CARMIL3: variants seen among roughly 807,000 people sequenced by gnomAD.
The protein encoded by CARMIL3 is capping protein regulator and myosin 1 linker 3.
Under a neutral mutation model 180.8 loss-of-function variants are expected in CARMIL3, and 88 were observed. That is an observed-to-expected ratio of 0.49 (90% CI 0.41 to 0.58). The LOEUF (loss-of-function observed/expected upper bound fraction) is 0.58. Ranked by LOEUF, CARMIL3 falls within the 20% of genes least tolerant of loss-of-function variation. The probability of loss-of-function intolerance (pLI) is 0.00; values close to 1 mark genes in which losing one functional copy is unlikely to be tolerated. For synonymous variants in CARMIL3, 696 were observed against 714.5 expected, an observed-to-expected ratio of 0.97 and a Z score of 0.41; for missense variants, 1,548 against 1,787.0, an observed-to-expected ratio of 0.87 and a Z score of 2.41.
At chr14:24,064,384 C>T (rs759705321) in intron 32 of CARMIL3, 38 bp downstream of exon 32, 24 of 1,499,860 alleles carry the variant, frequency 1.6e-5, no homozygotes, top group East Asian at 1.4e-4. Flanking sequence ...TCAGCAGGCC[C>T]CAAGGCCCTA....
At position 24,063,122 on chromosome 14, in the gene CARMIL3, C is replaced by A; in HGVS notation, c.2709C>A (p.Asp903Glu). 6.2e-7 allele frequency: 1 copy of A among 1,613,234 alleles called. No individual in the cohort carries two copies. The change falls in exon 30 of 40, where the codon GAC becomes GAA. Residue 903 changes from aspartate to glutamate, a missense_variant and splice_region_variant. Asp to Glu is a conservative substitution (Grantham distance 45, BLOSUM62 2). Transcript: ENST00000342740. ...GCCACTCGTCTTCATTTCTGCAGGA[C>A]ACCATGGCCATCAAAAAGCAGAAAC... The part of the protein sequence containing the change: ...TTDDELGTNI[D>E]TMAIKKQKRC...
At chr14:24,068,428 G>GA (rs996524249) in intron 36 of CARMIL3, among the ~76,000 whole-genome samples, 156 bp from the exon 37 acceptor site, 29 of 145,876 alleles carry the variant, frequency 2.0e-4, no homozygotes, top group South Asian at 8.8e-4. Flanking sequence ...AGAAAGAAAA[G>GA]AAAAAAAAAA....
Position 24,059,766 on chromosome 14 carries a change from C to A in CARMIL3, c.1868+34C>A, listed in dbSNP as rs753015676. ...ACCATGGTCCTGCCCTGATCCAAGT[C>A]CCCAGCCTCCCTGTGCCTGGATCAG... On this transcript the variant is annotated intron_variant, in intron 22 of 39. Transcript: ENST00000342740. The surrounding 1 kb of genome is among the most constrained non-coding windows in gnomAD (Gnocchi z 6.3). 2 of 1,606,196 alleles carry A rather than the reference C, an allele frequency of 1.2e-6. No homozygotes were observed. The highest frequency in any genetic ancestry group is 1.7e-6 in the Non-Finnish European group (2 of 1,173,272).
At chr14:24,068,176 A>C (rs2035808892) in intron 36 of CARMIL3, among the ~76,000 whole-genome samples, 3 of 152,206 alleles carry the variant, frequency 2.0e-5, no homozygotes, top group Admixed American at 6.5e-5. Flanking sequence ...AGGTAGGTGG[A>C]TCACTAGGTC....
rs780847010 is a variant in CARMIL3 at position 24,058,768 on chromosome 14, A to G, written c.1474+7A>G. 3 of 1,613,932 alleles carry G rather than the reference A, an allele frequency of 1.9e-6. No homozygotes were observed. Among genetic ancestry groups the G allele is most frequent in the African/African-American group, 1.3e-5 (1 of 74,908 alleles). ...CTGGATCTGTCAGACAATGGTGAGT[A>G]GTGGTTCCTCCCTTCCCTGGGGCCA... On this transcript the variant is annotated splice_region_variant and intron_variant, in intron 18 of 39. Coordinates refer to ENST00000342740, the MANE Select transcript of CARMIL3 (RefSeq NM_138360.4). This position sits in a 1 kb window ranked among gnomAD's most constrained non-coding sequence, Gnocchi z 6.4.
intron 31 of CARMIL3, 118 bp from the exon 32 acceptor site, chr14:24,064,128 G>T (rs1322822231): frequency 5.6e-5 from 37 of 660,012 alleles, no homozygotes; most frequent in Admixed American, 1.7e-4. Context: ...GAAACACTGG[G>T]TGAACTGAAG....
Position 24,054,701 on chromosome 14 carries a change from T to C in CARMIL3, c.363-10T>C. On this transcript the variant is annotated splice_polypyrimidine_tract_variant and intron_variant, in intron 5 of 39. Transcript: ENST00000342740. The surrounding 1 kb of genome is among the most constrained non-coding windows in gnomAD (Gnocchi z 5.1). The stretch of plus-strand genomic sequence containing the variant: ...CCAGCCCTCTCTGGAATGACTTGTT[T>C]CTTTTCCAGGTGTTTGATCCGGCGT... The C allele has an allele frequency of 6.2e-7, 1 of 1,612,304 alleles. No homozygotes were observed. Among genetic ancestry groups the C allele is most frequent in the African/African-American group, 1.3e-5 (1 of 74,986 alleles).
intron 1 of CARMIL3, among the ~76,000 whole-genome samples, chr14:24,052,952 A>G (rs536593732): frequency 6.6e-6 from 1 of 152,272 alleles, no homozygotes; most frequent in South Asian, 2.1e-4. Context: ...GTGGATACTC[A>G]GAGGCATGCT....
rs760763562 is a variant in CARMIL3 at position 24,054,357 on chromosome 14, A to C, written c.247-39A>C. On this transcript the variant is annotated intron_variant, in intron 4 of 39. Transcript: ENST00000342740. The surrounding 1 kb of genome is among the most constrained non-coding windows in gnomAD (Gnocchi z 5.1). ...GGGCCAGCTGGAGGAGGGAGCAGAG[A>C]GGAGGGAGTCTGAGGCTCTGACGCT... 1 of 1,613,734 alleles carries C rather than the reference A, an allele frequency of 6.2e-7. No homozygotes were observed. Among genetic ancestry groups the C allele is most frequent in the South Asian group, 1.1e-5 (1 of 91,068 alleles).
At position 24,059,956 on chromosome 14, in the gene CARMIL3, C is replaced by T. The variant is rs554890882; in HGVS notation, c.1869-14C>T. On this transcript the variant is annotated splice_polypyrimidine_tract_variant and intron_variant, in intron 22 of 39. Transcript: ENST00000342740. The surrounding 1 kb of genome is among the most constrained non-coding windows in gnomAD (Gnocchi z 6.3). ...TCACCTGTTCCCACCCAGCTGTGCC[C>T]CTGTGTCCCACAGCAACCACACGCT... is the stretch of plus-strand genomic sequence containing the variant. 8.1e-6 allele frequency: 13 copies of T among 1,613,548 alleles called. No individual in the cohort carries two copies. The highest frequency in any genetic ancestry group is 2.2e-5 in the South Asian group (2 of 91,084).
rs780280289 is a variant in CARMIL3, at chr14:24,061,566, CACA to C, written c.2379_2381del (p.Asn793del). 1.3e-5 allele frequency: 21 copies of C among 1,614,056 alleles called. No homozygotes were observed. The South Asian group carries it at 1.6e-4, about 13-fold the overall frequency. On this transcript the variant is annotated inframe_deletion, in exon 27 of 40. Coordinates refer to ENST00000342740, the MANE Select transcript of CARMIL3 (RefSeq NM_138360.4). The surrounding 1 kb of genome is among the most constrained non-coding windows in gnomAD (Gnocchi z 4.1). ...TGTGGCCATGCGGGTGGCCGAGGGA[CACA>C]ACAAGATGCTGAGCAATGTGGCGGA...
intron 34 of CARMIL3, 148 bp downstream of exon 34, chr14:24,065,898 C>T: frequency 8.5e-7 from 1 of 1,181,538 alleles, no homozygotes; most frequent in Non-Finnish European, 1.2e-6. Context: ...GCCCCCACCA[C>T]ACACTTGCCG....
At chr14:24,068,099 G>A (rs2035807731) in intron 36 of CARMIL3, among the ~76,000 whole-genome samples, 1 of 152,254 alleles carries the variant, frequency 6.6e-6, no homozygotes, top group Non-Finnish European at 1.5e-5. Context: ...GAGCGTGGAT[G>A]TAGAAAGGCA....
chr14:24,056,443 C>T, intron 11 of CARMIL3, 50 bp downstream of exon 11: 1 of 1,574,308 alleles, frequency 6.4e-7, no homozygotes, highest in Non-Finnish European at 8.7e-7. Flanking sequence ...GACCCCTGTC[C>T]TAGCCCAGAG....
intron 36 of CARMIL3, among the ~76,000 whole-genome samples, chr14:24,067,832 C>T (rs552281134): frequency 2.0e-4 from 30 of 152,394 alleles, no homozygotes; most frequent in African/African-American, 6.0e-4. Context: ...GCCACTGGGG[C>T]GGAGGATGAG....
At chr14:24,052,226 G>C in intron 1 of CARMIL3, 33 bp downstream of exon 1, 2 of 1,563,254 alleles carry the variant, frequency 1.3e-6, no homozygotes, top group Non-Finnish European at 1.7e-6. Context: ...GGGACGCCCC[G>C]TCCGGGAGCA....
rs760487502 is a variant in CARMIL3 at position 24,062,866 on chromosome 14, C to T, written c.2706+20C>T. 8.2e-6 allele frequency: 13 copies of T among 1,590,688 alleles called. No homozygotes were observed. The highest frequency in any genetic ancestry group is 1.9e-4 in the Middle Eastern group (1 of 5,230). ...AACATTGTGAGCCCCCCGCTCCCTG[C>T]TCCTCCTTAATAACCTGGGCCCTGC... On this transcript the variant is annotated intron_variant, in intron 29 of 39. Transcript: ENST00000342740.
Position 24,065,116 on chromosome 14 carries a change from C to CA in CARMIL3, c.3239_3240insA (p.Pro1081SerfsTer14). On this transcript the variant is annotated frameshift_variant, in exon 33 of 40. Coordinates refer to ENST00000342740, the MANE Select transcript of CARMIL3 (RefSeq NM_138360.4). LOFTEE classifies it high-confidence loss of function. The stretch of plus-strand genomic sequence containing the variant: ...TCCCCTACCACTGGACTCCTCCTCC[C>CA]TCCACCCCCACCCCCTCCCCCGACT... 2 of 1,499,762 alleles carry CA rather than the reference C, an allele frequency of 1.3e-6. No individual in the cohort carries two copies. Among genetic ancestry groups the CA allele is most frequent in the Non-Finnish European group, 1.8e-6 (2 of 1,124,866 alleles). The allele number at this position is 1,499,762 out of a possible 1,614,324, so 92.9% of individuals were successfully genotyped here.
At position 24,058,089 on chromosome 14, in the gene CARMIL3, C is replaced by G. The variant is rs374744036; in HGVS notation, c.1322+25C>G. Reference sequence around the variant, plus strand: ...GGTCGGGTGGGTGCAGGGTTGGGGGCGCATCCAAGGGAACCACGGGGAGCG... The same window carrying G: ...GGTCGGGTGGGTGCAGGGTTGGGGGGGCATCCAAGGGAACCACGGGGAGCG... On this transcript the variant is annotated intron_variant, in intron 16 of 39. Transcript: ENST00000342740. This position sits in a 1 kb window ranked among gnomAD's most constrained non-coding sequence, Gnocchi z 6.4. 77 of 1,613,474 alleles carry G rather than the reference C, an allele frequency of 4.8e-5. No homozygotes were observed. Among genetic ancestry groups the G allele is most frequent in the Non-Finnish European group, 6.4e-5 (75 of 1,179,868 alleles).
Sources: gnomAD v4.1 joint callset for allele counts (sites outside exome capture counted in the v4.1 genomes callset) on GRCh38, gnomAD v4.1.1 for gene constraint, Gnocchi (gnomAD v3.1) non-coding constraint, MANE v1.5 for transcripts, NCBI Gene and HGNC (gene_info 2026-07-23, HGNC 2026-07-21) for gene names.